Variants in NTF3 observed in about 807,000 individuals in gnomAD.
NTF3 encodes neurotrophin 3.
NTF3 carries 8 observed loss-of-function variants against 26.3 expected under a neutral mutation model. The observed-to-expected ratio is 0.30, with a 90% CI of 0.18 to 0.55. The LOEUF (loss-of-function observed/expected upper bound fraction) is 0.55, where lower values mean the gene tolerates loss of function less well. Among genes scored for constraint, NTF3 ranks in the 20% least tolerant of loss-of-function variants. NTF3 has a pLI of 0.93. For synonymous variants in NTF3, 154 were observed against 145.5 expected (o/e 1.06, Z -0.42); for missense variants, 276 against 352.9 (o/e 0.78, Z 1.75).
chr12:5,494,555 C>T lies in NTF3; in HGVS notation c.380C>T (p.Pro127Leu). 1 of 1,614,104 alleles carries T rather than the reference C, an allele frequency of 6.2e-7. No individual in the cohort carries two copies. Among genetic ancestry groups the T allele is most frequent in the Non-Finnish European group, 8.5e-7 (1 of 1,180,022 alleles). Residue 127 changes from proline (P) to leucine (L), a missense_variant, in exon 2 of 2, where the codon CCC (proline) becomes CTC (leucine). Around this residue, in one of 3 missense-constraint regions of NTF3, gnomAD observed 221 missense variants for 258.2 expected, o/e 0.86. Coordinates refer to ENST00000423158, the MANE Select transcript of NTF3 (RefSeq NM_001102654.2). This position sits in a 1 kb window ranked among gnomAD's most constrained non-coding sequence, Gnocchi z 8.3. ...VLLSDSTPLEPPPLYLMEDYV... is the reference protein window; with the variant it reads ...VLLSDSTPLELPPLYLMEDYV... ...CTGAGCGACAGCACCCCCTTGGAGC[C>T]CCCGCCCTTGTATCTCATGGAGGAT...
chr12:5,475,949 A>G (rs891616471), intron 1 of NTF3, among the ~76,000 whole-genome samples: 1 of 152,154 alleles, frequency 6.6e-6, no homozygotes, highest in African/African-American at 2.4e-5. Context: ...AGAAAAGAGA[A>G]GAAAAGACAA....
chr12:5,477,222 G>A (rs1292372728), intron 1 of NTF3, among the ~76,000 whole-genome samples: 2 of 152,176 alleles, frequency 1.3e-5, no homozygotes, highest in Non-Finnish European at 2.9e-5. Flanking sequence ...ACATGCCTGG[G>A]TTTGAATCCC....
At position 5,432,298 on chromosome 12, in the gene NTF3, G is replaced by T; in HGVS notation, c.-27G>T. ...CGTCCACCTTTCTCTTCATGTCGAC[G>T]TCCCTGGAAACGGCCACACGGATGC... On this transcript the variant is annotated 5_prime_UTR_variant, in exon 1 of 2. Coordinates refer to ENST00000423158, the MANE Select transcript of NTF3 (RefSeq NM_001102654.2). 6.2e-7 allele frequency: 1 copy of T among 1,613,226 alleles called. No homozygotes were observed. The highest frequency in any genetic ancestry group is 8.5e-7 in the Non-Finnish European group (1 of 1,179,746).
intron 1 of NTF3, among the ~76,000 whole-genome samples, chr12:5,458,505 T>C (rs562122105): frequency 1.1e-3 from 167 of 152,308 alleles, no homozygotes; most frequent in African/African-American, 3.9e-3. Flanking sequence ...CGTGACAGTG[T>C]CTGGCTTATA....
At chr12:5,444,342 G>A (rs371380831) in intron 1 of NTF3, among the ~76,000 whole-genome samples, 8 of 152,218 alleles carry the variant, frequency 5.3e-5, no homozygotes, top group African/African-American at 1.9e-4. Context: ...CTGGGGCAGA[G>A]ATAAAAGGGA....
chr12:5,488,481 C>T (rs1488413642), intron 1 of NTF3, among the ~76,000 whole-genome samples: 2 of 152,208 alleles, frequency 1.3e-5, no homozygotes, highest in Admixed American at 6.5e-5. Flanking sequence ...CAGCTCTCAG[C>T]TTTGTCATGG....
intron 1 of NTF3, among the ~76,000 whole-genome samples, chr12:5,474,344 C>T (rs148619999): frequency 1.3e-5 from 2 of 152,284 alleles, no homozygotes; most frequent in Non-Finnish European, 2.9e-5. Flanking sequence ...TTCTCAGAGA[C>T]GTGATGTATG....
chr12:5,458,937 C>A (rs11615337), intron 1 of NTF3, among the ~76,000 whole-genome samples: 17,620 of 152,156 alleles, frequency 0.12, 1,188 homozygotes, highest in Non-Finnish European at 0.14. Context: ...ATGCCCAAAC[C>A]CTTCTTCTAT....
chr12:5,491,923 C>G (rs1380899046), intron 1 of NTF3, among the ~76,000 whole-genome samples: 1 of 151,700 alleles, frequency 6.6e-6, no homozygotes, highest in African/African-American at 2.4e-5. Context: ...ACCTTGTTAG[C>G]CAGGATGGTC....
At chr12:5,486,229 G>A (rs1460924281) in intron 1 of NTF3, among the ~76,000 whole-genome samples, 1 of 152,216 alleles carries the variant, frequency 6.6e-6, no homozygotes, top group Non-Finnish European at 1.5e-5. Context: ...AGTATGGTTT[G>A]AGTTTATCCC....
At chr12:5,454,388 G>A (rs1470377279) in intron 1 of NTF3, among the ~76,000 whole-genome samples, 1 of 152,064 alleles carries the variant, frequency 6.6e-6, no homozygotes, top group Admixed American at 6.5e-5. Context: ...TTTTAACTTG[G>A]TTACCTCTGT....
chr12:5,468,051 T>C (rs1203116017), intron 1 of NTF3, among the ~76,000 whole-genome samples: 1 of 152,200 alleles, frequency 6.6e-6, no homozygotes, highest in Non-Finnish European at 1.5e-5. Flanking sequence ...TTGGTCCTGT[T>C]CTCTGTTCCC....
intron 1 of NTF3, among the ~76,000 whole-genome samples, chr12:5,488,503 A>G (rs1322697503): frequency 1.3e-5 from 2 of 152,206 alleles, no homozygotes; most frequent in African/African-American, 4.8e-5. Flanking sequence ...TCAGAACATC[A>G]TCATGTGGCC....
chr12:5,485,157 A>G (rs1335934095), intron 1 of NTF3, among the ~76,000 whole-genome samples: 2 of 152,206 alleles, frequency 1.3e-5, no homozygotes, highest in Non-Finnish European at 2.9e-5. Context: ...GCCCCATATC[A>G]CCTAGATGTG....
chr12:5,431,775 C>G (rs1474328658), upstream of NTF3, among the ~76,000 whole-genome samples: 1 of 152,124 alleles, frequency 6.6e-6, no homozygotes, highest in African/African-American at 2.4e-5. Flanking sequence ...TAACATGTAA[C>G]CTGTTACGAT....
upstream of NTF3, among the ~76,000 whole-genome samples, chr12:5,431,037 G>A (rs1261971718): frequency 6.6e-6 from 1 of 152,100 alleles, no homozygotes; most frequent in Non-Finnish European, 1.5e-5. Context: ...GACTTAACTT[G>A]GTAAATTTAG....
intron 1 of NTF3, among the ~76,000 whole-genome samples, chr12:5,450,714 G>A (rs1940362248): frequency 6.6e-6 from 1 of 152,176 alleles, no homozygotes; most frequent in Admixed American, 6.5e-5. Context: ...TCTCATTTTT[G>A]CAGACAAAGC....
At chr12:5,462,609 T>C (rs1156365184) in intron 1 of NTF3, among the ~76,000 whole-genome samples, 1 of 152,156 alleles carries the variant, frequency 6.6e-6, no homozygotes, top group Non-Finnish European at 1.5e-5. Context: ...TATGGAACAA[T>C]AGTTAGGATT....
intron 1 of NTF3, among the ~76,000 whole-genome samples, chr12:5,475,894 AAAAG>A (rs1940717374): frequency 7.1e-6 from 1 of 141,036 alleles, no homozygotes; most frequent in Admixed American, 7.1e-5. Context: ...GAAAGAAAGA[AAAAG>A]AGAAAGAAAG....
Sources: gnomAD v4.1 joint callset for allele counts (sites outside exome capture counted in the v4.1 genomes callset) on GRCh38, gnomAD v4.1.1 for gene constraint, gnomAD v4.1.1 regional missense constraint, Gnocchi (gnomAD v3.1) non-coding constraint, MANE v1.5 for transcripts, NCBI Gene and HGNC (gene_info 2026-07-23, HGNC 2026-07-21) for gene names.